TGFBR2: variants seen among roughly 807,000 people sequenced by gnomAD.
The protein encoded by TGFBR2 is TGF-beta receptor type-2.
Under a neutral mutation model 49.0 loss-of-function variants are expected in TGFBR2, and 18 were observed. The observed-to-expected ratio is 0.37, with a 90% CI of 0.25 to 0.54. The LOEUF is 0.54. Among genes scored for constraint, TGFBR2 ranks in the 20% least tolerant of loss-of-function variants. TGFBR2 has a pLI of 0.85. For synonymous variants in TGFBR2, 282 were observed against 275.9 expected (o/e 1.02, Z -0.22); for missense variants, 525 against 722.6 (o/e 0.73, Z 3.13).
At chr3:30,638,415 C>T (rs1022362490) in intron 1 of TGFBR2, among the ~76,000 whole-genome samples, 1 of 152,066 alleles carries the variant, frequency 6.6e-6, no homozygotes, top group Non-Finnish European at 1.5e-5. Context: ...TGTTTTCTTC[C>T]TGCACACGCC....
chr3:30,650,592 G>A, intron 3 of TGFBR2, 132 bp downstream of exon 3: 1 of 959,752 alleles, frequency 1.0e-6, no homozygotes, highest in South Asian at 1.3e-5. Flanking sequence ...TCATTCAGCT[G>A]GTGGAAAGAG....
intron 1 of TGFBR2, among the ~76,000 whole-genome samples, chr3:30,636,888 C>T (rs892104542): frequency 2.0e-5 from 3 of 151,858 alleles, no homozygotes; most frequent in African/African-American, 4.8e-5. Flanking sequence ...CACGGTGAAA[C>T]CCCGTCTCTA....
intron 3 of TGFBR2, among the ~76,000 whole-genome samples, chr3:30,666,383 A>G (rs1412672180): frequency 1.3e-5 from 2 of 152,158 alleles, no homozygotes; most frequent in Non-Finnish European, 2.9e-5. Context: ...TTCACATAAA[A>G]CTTTTTATTT....
intron 3 of TGFBR2, among the ~76,000 whole-genome samples, chr3:30,654,430 C>T (rs1337503294): frequency 1.3e-5 from 2 of 152,130 alleles, no homozygotes; most frequent in African/African-American, 4.8e-5. Flanking sequence ...CCCCTGCCTC[C>T]CTACAGTGAC....
chr3:30,679,359 G>A (rs1699495189), intron 5 of TGFBR2, among the ~76,000 whole-genome samples: 3 of 152,116 alleles, frequency 2.0e-5, no homozygotes, highest in Non-Finnish European at 4.4e-5. Flanking sequence ...CTGAATGCAG[G>A]GGAGCACAGG....
intron 5 of TGFBR2, among the ~76,000 whole-genome samples, chr3:30,679,995 G>T (rs113571520): frequency 6.7e-6 from 1 of 149,646 alleles, no homozygotes; most frequent in Admixed American, 6.6e-5. Flanking sequence ...GCATGGTGGC[G>T]GGTGCCTGTA....
At chr3:30,613,209 A>G (rs1698062314) in intron 1 of TGFBR2, among the ~76,000 whole-genome samples, 1 of 150,416 alleles carries the variant, frequency 6.6e-6, no homozygotes, top group South Asian at 2.1e-4. Context: ...ACTAAAATAT[A>G]GACCTAGTAT....
chr3:30,615,002 A>G (rs1698104918), intron 1 of TGFBR2, among the ~76,000 whole-genome samples: 1 of 152,354 alleles, frequency 6.6e-6, no homozygotes, highest in African/African-American at 2.4e-5. Flanking sequence ...GTGTAATAAA[A>G]TAACACTCGG....
Position 30,650,015 on chromosome 3 carries a change from T to C in TGFBR2, c.264-255T>C, listed in dbSNP as rs551334247. Among the ~76,000 whole-genome samples the C allele has an allele frequency of 2.0e-5, 3 of 152,322 alleles. No homozygotes were observed. The East Asian group carries it at 5.8e-4, about 29-fold the overall frequency. On this transcript the variant is annotated intron_variant, in intron 2 of 6. Coordinates refer to ENST00000295754, the MANE Select transcript of TGFBR2 (RefSeq NM_003242.6). ...CAGGACTGCCCCGTGGAACGCTGTC[T>C]GCTCCAGGTGATGTTTATAATCACA...
At chr3:30,653,731 GA>G (rs1375346304) in intron 3 of TGFBR2, among the ~76,000 whole-genome samples, 2 of 151,806 alleles carry the variant, frequency 1.3e-5, no homozygotes, top group African/African-American at 2.4e-5. Flanking sequence ...TAATATGTAA[GA>G]AAAAAAAGTT....
chr3:30,653,852 G>A (rs1215867718), intron 3 of TGFBR2, among the ~76,000 whole-genome samples: 1 of 152,152 alleles, frequency 6.6e-6, no homozygotes, highest in East Asian at 1.9e-4. Flanking sequence ...CCCTTTCCAA[G>A]CATGACCTCA....
chr3:30,681,057 A>G (rs1391131992), intron 5 of TGFBR2, among the ~76,000 whole-genome samples: 1 of 151,574 alleles, frequency 6.6e-6, no homozygotes, highest in Non-Finnish European at 1.5e-5. Flanking sequence ...TTTGAATAGA[A>G]GCTGACACGT....
chr3:30,606,934 G>A lies in TGFBR2; in HGVS notation c.51G>A (p.Trp17Ter). The A allele has an allele frequency of 6.2e-7, 1 of 1,602,330 alleles. No homozygotes were observed. The highest frequency in any genetic ancestry group is 8.5e-7 in the Non-Finnish European group (1 of 1,174,642). ...RGLWPLHIVL[W>*]TRIASTIPPH... ...TGTGGCCGCTGCACATCGTCCTGTGGACGCGTATCGCCAGCACGATCCCAC... is the reference window on the plus strand; with the variant it reads ...TGTGGCCGCTGCACATCGTCCTGTGAACGCGTATCGCCAGCACGATCCCAC... The change falls in exon 1 of 7, where the codon TGG becomes TGA. Residue 17 changes from tryptophan (W) to a stop codon, truncating the protein, a stop_gained. Transcript: ENST00000295754. LOFTEE classifies it high-confidence loss of function.
intron 3 of TGFBR2, among the ~76,000 whole-genome samples, chr3:30,655,210 G>A (rs986068118): frequency 2.0e-5 from 3 of 152,150 alleles, no homozygotes; most frequent in Non-Finnish European, 4.4e-5. Flanking sequence ...TTTATAGAGG[G>A]CTGGTGACTT....
At chr3:30,667,708 T>G (rs1316520705) in intron 3 of TGFBR2, among the ~76,000 whole-genome samples, 3 of 152,230 alleles carry the variant, frequency 2.0e-5, no homozygotes, top group Non-Finnish European at 4.4e-5. Context: ...TTTATAGATA[T>G]TTAGGAATTG....
intron 1 of TGFBR2, among the ~76,000 whole-genome samples, chr3:30,630,563 T>C (rs1277381513): frequency 6.6e-6 from 1 of 152,212 alleles, no homozygotes; most frequent in African/African-American, 2.4e-5. Context: ...TATCTTGACT[T>C]TTCCACAGCC....
At chr3:30,625,658 A>G (rs1458966372) in intron 1 of TGFBR2, among the ~76,000 whole-genome samples, 1 of 152,236 alleles carries the variant, frequency 6.6e-6, no homozygotes, top group East Asian at 1.9e-4. Flanking sequence ...TACAATGGCA[A>G]CTAAATGCCC....
intron 1 of TGFBR2, among the ~76,000 whole-genome samples, chr3:30,639,885 C>G (rs1186325003): frequency 6.6e-6 from 1 of 152,146 alleles, no homozygotes; most frequent in Non-Finnish European, 1.5e-5. Flanking sequence ...TGAGATTTTA[C>G]CTAATGGTTC....
chr3:30,637,403 G>A (rs1442300854), intron 1 of TGFBR2, among the ~76,000 whole-genome samples: 1 of 152,220 alleles, frequency 6.6e-6, no homozygotes, highest in Non-Finnish European at 1.5e-5. Context: ...ATTCCACAGA[G>A]GGAGCCAGAA....
Sources: gnomAD v4.1 joint callset for allele counts (sites outside exome capture counted in the v4.1 genomes callset) on GRCh38, gnomAD v4.1.1 for gene constraint, MANE v1.5 for transcripts, NCBI Gene and HGNC (gene_info 2026-07-23, HGNC 2026-07-21) for gene names.